Variants in MAP2K4 observed in about 807,000 individuals in gnomAD.
MAP2K4 encodes the protein dual specificity mitogen-activated protein kinase kinase 4.
MAP2K4 carries 4 observed loss-of-function variants against 48.5 expected under a neutral mutation model. The observed-to-expected ratio is 0.08, with a 90% CI of 0.04 to 0.19. MAP2K4 has a LOEUF of 0.19. MAP2K4 is among the 10% of genes least tolerant of loss of function. MAP2K4 has a pLI of 1.00. For missense variants in MAP2K4, 258 were observed against 493.3 expected (o/e 0.52, Z 4.52); for synonymous variants, 166 against 173.1 (o/e 0.96, Z 0.32).
At chr17:12,041,344 T>C (rs1312659192) in intron 1 of MAP2K4, among the ~76,000 whole-genome samples, 1 of 152,246 alleles carries the variant, frequency 6.6e-6, no homozygotes, top group African/African-American at 2.4e-5. Flanking sequence ...CTACCTTTGT[T>C]ATTTGCTTTT....
At chr17:12,026,254 G>GA (rs767678616) in intron 1 of MAP2K4, among the ~76,000 whole-genome samples, 9 of 152,056 alleles carry the variant, frequency 5.9e-5, no homozygotes, top group Non-Finnish European at 1.0e-4. Context: ...ATTTTGAGTC[G>GA]TTTTCTTTTT....
chr17:12,046,157 A>G (rs1311781541), intron 1 of MAP2K4, among the ~76,000 whole-genome samples: 1 of 152,188 alleles, frequency 6.6e-6, no homozygotes, highest in Non-Finnish European at 1.5e-5. Flanking sequence ...TTAAGGATTC[A>G]GAGAACTATT....
At position 12,141,194 on chromosome 17, in the gene MAP2K4, A is replaced by C; in HGVS notation, c.1134A>C (p.Ala378=). Residue 378 remains alanine, a synonymous_variant, in exon 11 of 11, where the codon GCA becomes GCC. Transcript: ENST00000353533. ...ATGAAGAACGTGCCGTTGAGGTCGC[A>C]TGCTATGTTTGTAAAATCCTGGATC... is the stretch of plus-strand genomic sequence containing the variant. The part of the protein sequence containing the change: ...LMYEERAVEV[A]CYVCKILDQM... The C allele has an allele frequency of 6.2e-7, 1 of 1,613,908 alleles. No individual in the cohort carries two copies. Among genetic ancestry groups the C allele is most frequent in the Non-Finnish European group, 8.5e-7 (1 of 1,179,812 alleles).
intron 2 of MAP2K4, among the ~76,000 whole-genome samples, chr17:12,061,875 G>A (rs1002001845): frequency 6.6e-6 from 1 of 151,202 alleles, no homozygotes; most frequent in African/African-American, 2.4e-5. Context: ...TTTGCTATAT[G>A]AAGGTAACTT....
intron 1 of MAP2K4, chr17:12,036,636 T>G (rs955802929): frequency 6.6e-6 from 1 of 152,088 alleles, no homozygotes; most frequent in Admixed American, 6.6e-5. Context: ...GAAGCCCCCT[T>G]TTTTAGAAAC....
chr17:12,114,454 T>G (rs1972417726), intron 7 of MAP2K4, among the ~76,000 whole-genome samples: 1 of 151,904 alleles, frequency 6.6e-6, no homozygotes, highest in Non-Finnish European at 1.5e-5. Flanking sequence ...TTTTAAACTT[T>G]TGGTTTTGTG....
At chr17:12,065,823 A>T (rs1199167273) in intron 2 of MAP2K4, among the ~76,000 whole-genome samples, 1 of 152,184 alleles carries the variant, frequency 6.6e-6, no homozygotes, top group East Asian at 1.9e-4. Flanking sequence ...GCACCTATGT[A>T]TTTCGACAAT....
In MAP2K4 at chr17:12,143,620, T is replaced by C. The variant is rs1351896335; in HGVS notation, c.*2360T>C. On this transcript the variant is annotated 3_prime_UTR_variant, in exon 11 of 11. Transcript: ENST00000353533. ...AGCTTTGGAATATTTTATCCTGTAT[T>C]CTTGTTTGAATTCCTCCTCTATTTA... is the stretch of plus-strand genomic sequence containing the variant. 4 of 230,892 alleles carry C rather than the reference T, an allele frequency of 1.7e-5. No homozygotes were observed. The highest frequency in any genetic ancestry group is 3.4e-5 in the Non-Finnish European group (4 of 116,464). 14.3% of individuals were successfully genotyped at this position (230,892 alleles called of 1,614,324 possible). A position where few individuals can be genotyped will look rare whatever the true frequency, so the allele number is the denominator to read the frequency against.
At position 12,106,148 on chromosome 17, in the gene MAP2K4, T is replaced by C. The variant is rs141255593; in HGVS notation, c.514-1642T>C. Among the ~76,000 whole-genome samples, 3 of 152,228 alleles carry C rather than the reference T, an allele frequency of 2.0e-5. No homozygotes were observed. In the East Asian group the frequency reaches 5.8e-4, roughly 29 times the overall value. On this transcript the variant is annotated intron_variant, in intron 4 of 10. Transcript: ENST00000353533. ...TTCCGCTTTGCTATATTATTGAGGTTGTTTCTTTCTACTGTTTTTATAAGT... is the reference window on the plus strand; with the variant it reads ...TTCCGCTTTGCTATATTATTGAGGTCGTTTCTTTCTACTGTTTTTATAAGT...
At chr17:12,118,455 G>A (rs930133270) in intron 7 of MAP2K4, among the ~76,000 whole-genome samples, 8 of 152,016 alleles carry the variant, frequency 5.3e-5, no homozygotes, top group East Asian at 1.9e-4. Flanking sequence ...TGGATCACTC[G>A]GGATACCTTT....
intron 2 of MAP2K4, among the ~76,000 whole-genome samples, chr17:12,058,284 T>G (rs1026705732): frequency 6.6e-6 from 1 of 151,734 alleles, no homozygotes; most frequent in African/African-American, 2.4e-5. Flanking sequence ...AGGCTGGTCT[T>G]GAACTCCTGG....
intron 1 of MAP2K4, among the ~76,000 whole-genome samples, chr17:12,039,017 T>A (rs1969693025): frequency 6.6e-6 from 1 of 152,196 alleles, no homozygotes; most frequent in Admixed American, 6.5e-5. Context: ...ATCAAGGTTA[T>A]CCAGTAAGCC....
chr17:12,042,910 A>G (rs991662766), intron 1 of MAP2K4, among the ~76,000 whole-genome samples: 4 of 152,102 alleles, frequency 2.6e-5, no homozygotes, highest in Admixed American at 6.5e-5. Context: ...AGCCGGGCGT[A>G]GTGGCGGGGG....
At chr17:12,103,957 T>TAATTATA in intron 4 of MAP2K4, among the ~76,000 whole-genome samples, 1 of 152,198 alleles carries the variant, frequency 6.6e-6, no homozygotes, top group Non-Finnish European at 1.5e-5. Context: ...TTTATAATTA[T>TAATTATA]AAACAGCACA....
In MAP2K4 at chr17:12,089,060, C is replaced by T. The variant is rs535815073; in HGVS notation, c.394-6515C>T. Among the ~76,000 whole-genome samples, 322 of 152,038 alleles carry T rather than the reference C, an allele frequency of 2.1e-3. 3 individuals carry two copies. Among genetic ancestry groups the T allele is most frequent in the African/African-American group, 7.4e-3 (307 of 41,478 alleles). ...CCCAGCAGCTGGGACTACAGGCGCA[C>T]GCCACCACGCCTGGCTAATTTTTTT... is the stretch of plus-strand genomic sequence containing the variant. On this transcript the variant is annotated intron_variant, in intron 3 of 10. Transcript: ENST00000353533.
At chr17:12,052,382 C>T (rs1364632952) in intron 1 of MAP2K4, among the ~76,000 whole-genome samples, 2 of 151,984 alleles carry the variant, frequency 1.3e-5, no homozygotes, top group African/African-American at 2.4e-5. Flanking sequence ...TTAAAGCTTT[C>T]AATTTAGTTT....
At chr17:12,039,217 C>T (rs1969699005) in intron 1 of MAP2K4, among the ~76,000 whole-genome samples, 1 of 152,138 alleles carries the variant, frequency 6.6e-6, no homozygotes, top group African/African-American at 2.4e-5. Context: ...ATTAGTAGGT[C>T]AGGAGACCTG....
In MAP2K4 at chr17:12,020,971, C is replaced by G; in HGVS notation, c.85C>G (p.Pro29Ala). 1 of 1,213,916 alleles carries G rather than the reference C, an allele frequency of 8.2e-7. No individual in the cohort carries two copies. The highest frequency in any genetic ancestry group is 1.0e-6 in the Non-Finnish European group (1 of 976,460). 75.2% of individuals were successfully genotyped at this position (1,213,916 alleles called of 1,614,324 possible). Residue 29 changes from proline (P) to alanine (A), a missense_variant, in exon 1 of 11, where the codon CCA becomes GCA. By Grantham distance (27) the Pro-to-Ala change is conservative. This residue lies in a region of MAP2K4 where 69 missense variants were observed against 56.2 expected (regional missense o/e 1.23). Transcript: ENST00000353533. The stretch of plus-strand genomic sequence containing the variant: ...CCCCGGCCCCGTAGGGTCCCCGGCG[C>G]CAGGCCACCCGGCCGTCAGCAGCAT... ...GTPGPVGSPA[P>A]GHPAVSSMQG...
At chr17:12,094,192 A>G (rs1597460672) in intron 3 of MAP2K4, among the ~76,000 whole-genome samples, 1 of 152,220 alleles carries the variant, frequency 6.6e-6, no homozygotes, top group Admixed American at 6.5e-5. Flanking sequence ...CTGTGTCTGT[A>G]ACATAGATGC....
Sources: allele counts gnomAD v4.1 joint callset (sites outside exome capture counted in the v4.1 genomes callset), GRCh38; gene constraint gnomAD v4.1.1; regional missense constraint gnomAD v4.1.1; transcripts MANE v1.5; gene names NCBI Gene and HGNC (gene_info 2026-07-23, HGNC 2026-07-21).